PDE1C: variants seen among roughly 807,000 people sequenced by gnomAD.
PDE1C encodes the protein phosphodiesterase 1C.
A neutral mutation model predicts 93.1 loss-of-function variants in PDE1C; 62 were observed. The observed-to-expected ratio is 0.67, with a 90% CI of 0.54 to 0.82. PDE1C has a LOEUF of 0.82. Ranked by LOEUF, PDE1C falls within the 40% of genes least tolerant of loss-of-function variation. The pLI is 0.00. For synonymous variants in PDE1C, 325 were observed against 310.1 expected, an observed-to-expected ratio of 1.05 and a Z score of -0.50; for missense variants, 742 against 884.6, an observed-to-expected ratio of 0.84 and a Z score of 2.04.
At chr7:31,939,269 C>G (rs1447375381) in intron 2 of PDE1C, among the ~76,000 whole-genome samples, 3 of 151,964 alleles carry the variant, frequency 2.0e-5, no homozygotes, top group Admixed American at 2.0e-4. Context: ...AGAGGAGGAG[C>G]AGCAAAATCA....
chr7:32,097,517 C>T (rs980307358), intron 3 of PDE1C, among the ~76,000 whole-genome samples: 1 of 152,122 alleles, frequency 6.6e-6, no homozygotes, highest in Non-Finnish European at 1.5e-5. Context: ...CACTGACTGG[C>T]CCTCAAAGGT....
chr7:31,698,164 T>C, the PDE1C span, among the ~76,000 whole-genome samples: 2 of 152,204 alleles, frequency 1.3e-5, no homozygotes, highest in African/African-American at 4.8e-5. Flanking sequence ...AAAATTTGGC[T>C]GTTGTTATAA....
the PDE1C span, chr7:31,707,452 T>C: frequency 6.8e-6 from 4 of 588,500 alleles, no homozygotes; most frequent in Admixed American, 3.4e-5. Flanking sequence ...CACCTCTTTG[T>C]CTCTCTCTTC....
At chr7:31,766,223 A>G (rs559457897) in intron 17 of PDE1C, among the ~76,000 whole-genome samples, 8 of 152,130 alleles carry the variant, frequency 5.3e-5, no homozygotes, top group Non-Finnish European at 7.4e-5. Flanking sequence ...TCTCCACTAA[A>G]AATACAAAAA....
intron 2 of PDE1C, among the ~76,000 whole-genome samples, chr7:32,200,813 T>C (rs2058142): frequency 0.51 from 77,915 of 152,066 alleles, 20,155 homozygotes; most frequent in Admixed American, 0.59. Context: ...AGAGGCCTCA[T>C]CATCTCAGTG....
At chr7:31,830,847 C>A (rs77106268) in intron 11 of PDE1C, among the ~76,000 whole-genome samples, 1 of 152,114 alleles carries the variant, frequency 6.6e-6, no homozygotes, top group Non-Finnish European at 1.5e-5. Context: ...TGGCAGAATA[C>A]GGTCTAAAAT....
At chr7:31,754,767 A>T (rs1403844535) in intron 17 of PDE1C, among the ~76,000 whole-genome samples, 1 of 152,224 alleles carries the variant, frequency 6.6e-6, no homozygotes, top group Non-Finnish European at 1.5e-5. Flanking sequence ...GGTGAAGCAC[A>T]GGGAATTTCT....
intron 1 of PDE1C, among the ~76,000 whole-genome samples, chr7:32,231,000 A>G (rs1285999787): frequency 3.9e-5 from 6 of 152,208 alleles, no homozygotes; most frequent in Admixed American, 3.9e-4. Context: ...TAAATCTTAA[A>G]GCATGTGGGG....
chr7:31,820,241 A>G (rs1788795995), intron 14 of PDE1C, among the ~76,000 whole-genome samples: 1 of 152,048 alleles, frequency 6.6e-6, no homozygotes, highest in Non-Finnish European at 1.5e-5. Context: ...AAAGAATAAC[A>G]TCAGAATTTT....
Position 31,828,382 on chromosome 7 carries a change from A to C in PDE1C, c.1204-9T>G. 1 of 1,609,768 alleles carries C rather than the reference A, an allele frequency of 6.2e-7. No individual in the cohort carries two copies. Among genetic ancestry groups the C allele is most frequent in the Non-Finnish European group, 8.5e-7 (1 of 1,176,872 alleles). On this transcript the variant is annotated splice_polypyrimidine_tract_variant and intron_variant, in intron 11 of 17. Coordinates refer to ENST00000396191, the MANE Select transcript of PDE1C (RefSeq NM_001191057.4). ...TCTGCTTCTCTGTCACCCTGGAAAAATAAAAGGTCATAGTAAATTAAGGAA... is the reference window on the plus strand; with the variant it reads ...TCTGCTTCTCTGTCACCCTGGAAAACTAAAAGGTCATAGTAAATTAAGGAA...
chr7:32,010,929 C>A (rs1278717484), intron 2 of PDE1C, among the ~76,000 whole-genome samples: 1 of 152,126 alleles, frequency 6.6e-6, no homozygotes, highest in Non-Finnish European at 1.5e-5. Flanking sequence ...TTACATTCTG[C>A]AGAACAAGGG....
chr7:31,946,417 T>C (rs942881121), intron 2 of PDE1C, among the ~76,000 whole-genome samples: 2 of 152,102 alleles, frequency 1.3e-5, no homozygotes, highest in African/African-American at 2.4e-5. Context: ...AATCCAGGGC[T>C]CAGGGCATAA....
chr7:32,219,201 A>C (rs538307642), intron 1 of PDE1C, among the ~76,000 whole-genome samples: 1 of 152,230 alleles, frequency 6.6e-6, no homozygotes, highest in African/African-American at 2.4e-5. Context: ...GCCTGGAGTG[A>C]CTAGTAGTGA....
chr7:31,639,532 GTTTT>G, the PDE1C span, among the ~76,000 whole-genome samples: 1 of 45,532 alleles, frequency 2.2e-5, no homozygotes, highest in Non-Finnish European at 3.9e-5. Flanking sequence ...TTGTTTGTTT[GTTTT>G]TGTTTTTTTT....
intron 14 of PDE1C, 68 bp from the exon 15 acceptor site, chr7:31,816,222 C>G: frequency 7.1e-7 from 1 of 1,417,082 alleles, no homozygotes; most frequent in Non-Finnish European, 9.8e-7. Context: ...AGGAGAATGG[C>G]CTGTTTTAGT....
chr7:32,235,965 T>C (rs1489764523), intron 1 of PDE1C, among the ~76,000 whole-genome samples: 1 of 152,040 alleles, frequency 6.6e-6, no homozygotes, highest in East Asian at 1.9e-4. Context: ...CAGAACAGAA[T>C]AGAAAGTCCA....
chr7:31,761,049 C>A (rs150723465), intron 17 of PDE1C, among the ~76,000 whole-genome samples: 1 of 48,500 alleles, frequency 2.1e-5, no homozygotes, highest in South Asian at 3.5e-4. Context: ...TTTCAGGAAC[C>A]GCTGTGGTAA....
chr7:31,891,691 G>A (rs1262146008), intron 2 of PDE1C, among the ~76,000 whole-genome samples: 3 of 152,046 alleles, frequency 2.0e-5, no homozygotes, highest in African/African-American at 4.8e-5. Context: ...AGGGAGACAC[G>A]TGTAAGAAGG....
At chr7:31,811,994 T>G (rs1017624843) in intron 15 of PDE1C, among the ~76,000 whole-genome samples, 1 of 152,154 alleles carries the variant, frequency 6.6e-6, no homozygotes, top group South Asian at 2.1e-4. Context: ...CAAAATCCAT[T>G]AAGTAATTTC....
Sources: allele counts gnomAD v4.1 joint callset (sites outside exome capture counted in the v4.1 genomes callset), GRCh38; gene constraint gnomAD v4.1.1; transcripts MANE v1.5; gene names NCBI Gene and HGNC (gene_info 2026-07-23, HGNC 2026-07-21).